TMEM117: variants seen among roughly 807,000 people sequenced by gnomAD.
TMEM117 encodes transmembrane protein 117.
TMEM117 carries 27 observed loss-of-function variants against 52.4 expected under a neutral mutation model. That is an observed-to-expected ratio of 0.51 (90% confidence interval 0.38 to 0.71). The LOEUF is 0.71. Among genes scored for constraint, TMEM117 ranks in the 30% least tolerant of loss-of-function variants. The probability of loss-of-function intolerance (pLI) is 0.00; values close to 1 mark genes in which losing one functional copy is unlikely to be tolerated. For synonymous variants in TMEM117, 215 were observed against 206.3 expected (o/e 1.04, Z -0.36); for missense variants, 556 against 630.5 (o/e 0.88, Z 1.26).
intron 6 of TMEM117, among the ~76,000 whole-genome samples, chr12:44,374,992 A>G (rs1414595223): frequency 6.6e-6 from 1 of 152,154 alleles, no homozygotes; most frequent in Non-Finnish European, 1.5e-5. Context: ...TTTTAGCAAA[A>G]TACTAAATTC....
chr12:44,069,493 G>A (rs1178919905), intron 3 of TMEM117, among the ~76,000 whole-genome samples: 1 of 152,124 alleles, frequency 6.6e-6, no homozygotes, highest in Non-Finnish European at 1.5e-5. Context: ...TGCCTGGTGT[G>A]TTGATTCAAG....
chr12:43,829,176 T>C, the TMEM117 span, among the ~76,000 whole-genome samples: 1 of 152,210 alleles, frequency 6.6e-6, no homozygotes, highest in African/African-American at 2.4e-5. Flanking sequence ...TCCTTCAATG[T>C]TTGCTTCAAA....
At chr12:44,033,795 T>G (rs1946670410) in intron 3 of TMEM117, among the ~76,000 whole-genome samples, 1 of 152,222 alleles carries the variant, frequency 6.6e-6, no homozygotes, top group Non-Finnish European at 1.5e-5. Flanking sequence ...AAAAATGCTT[T>G]TAATATAATG....
chr12:43,940,131 T>A (rs1945020223), intron 2 of TMEM117, among the ~76,000 whole-genome samples: 2 of 152,190 alleles, frequency 1.3e-5, no homozygotes, highest in Non-Finnish European at 2.9e-5. Flanking sequence ...TTGACCAACA[T>A]TCATGTAGTC....
At chr12:44,299,517 T>C (rs112834362) in intron 5 of TMEM117, 63 bp from the exon 6 acceptor site, 2 of 1,566,216 alleles carry the variant, frequency 1.3e-6, no homozygotes, top group African/African-American at 1.4e-5. Context: ...ACAGATAACA[T>C]GCACTCTCTA....
chr12:43,797,561 T>C, the TMEM117 span: 1 of 1,384,004 alleles, frequency 7.2e-7, no homozygotes, highest in Non-Finnish European at 9.7e-7. Flanking sequence ...TTCTGGATGG[T>C]TTGACTTTTT....
At chr12:43,903,384 T>A (rs1434851026) in intron 2 of TMEM117, among the ~76,000 whole-genome samples, 2 of 152,126 alleles carry the variant, frequency 1.3e-5, no homozygotes, top group East Asian at 3.8e-4. Flanking sequence ...GAATATAGAA[T>A]AAAGAAAAAT....
At chr12:43,896,079 T>A (rs1944196136) in intron 2 of TMEM117, among the ~76,000 whole-genome samples, 1 of 152,206 alleles carries the variant, frequency 6.6e-6, no homozygotes, top group Admixed American at 6.5e-5. Flanking sequence ...GGCAGCACCC[T>A]TAAAGACACA....
intron 6 of TMEM117, among the ~76,000 whole-genome samples, chr12:44,366,758 A>G (rs545738914): frequency 1.3e-5 from 2 of 152,174 alleles, no homozygotes; most frequent in Non-Finnish European, 2.9e-5. Context: ...GAAACCAGAA[A>G]GAAACCACAC....
chr12:44,388,626 A>G lies in TMEM117; in HGVS notation c.1499A>G (p.Glu500Gly). Residue 500 changes from glutamate to glycine, a missense_variant, in exon 8 of 8, where the codon GAA becomes GGA. Glu to Gly is a moderately conservative substitution (Grantham distance 98, BLOSUM62 -2). Coordinates refer to ENST00000266534, the MANE Select transcript of TMEM117 (RefSeq NM_032256.3). ...TTGAACGAATCTACTAGTGCAACAG[A>G]AGCTGATCAAGACCCAACGACTTCT... ...SQLNESTSAT[E>G]ADQDPTTSKS... 1 of 1,613,448 alleles carries G rather than the reference A, an allele frequency of 6.2e-7. No individual in the cohort carries two copies. Among genetic ancestry groups the G allele is most frequent in the East Asian group, 2.2e-5 (1 of 44,872 alleles).
chr12:44,069,489 G>A (rs1429981463), intron 3 of TMEM117, among the ~76,000 whole-genome samples: 1 of 152,128 alleles, frequency 6.6e-6, no homozygotes, highest in Admixed American at 6.5e-5. Flanking sequence ...AGTGTGCCTG[G>A]TGTGTTGATT....
At chr12:44,158,873 C>T (rs1305594900) in intron 4 of TMEM117, among the ~76,000 whole-genome samples, 1 of 152,172 alleles carries the variant, frequency 6.6e-6, no homozygotes, top group Admixed American at 6.5e-5. Flanking sequence ...CCATCAGTGT[C>T]TGCCCTGGTC....
At chr12:44,333,105 A>G (rs1459703411) in intron 6 of TMEM117, among the ~76,000 whole-genome samples, 1 of 151,972 alleles carries the variant, frequency 6.6e-6, no homozygotes, top group Non-Finnish European at 1.5e-5. Flanking sequence ...TGTGTTGTCA[A>G]AACCACCCAG....
chr12:44,082,227 T>G (rs149224985), intron 3 of TMEM117, among the ~76,000 whole-genome samples: 2 of 152,040 alleles, frequency 1.3e-5, no homozygotes, highest in Admixed American at 1.3e-4. Flanking sequence ...TGTAGAAATT[T>G]TCAGTATGAG....
intron 3 of TMEM117, among the ~76,000 whole-genome samples, chr12:44,114,068 G>A (rs558578105): frequency 9.8e-4 from 144 of 147,612 alleles, no homozygotes; most frequent in South Asian, 6.0e-3. Flanking sequence ...GCTTCGGCTC[G>A]CGCACGGTGC....
At chr12:44,079,840 A>C (rs1335445487) in intron 3 of TMEM117, among the ~76,000 whole-genome samples, 1 of 151,770 alleles carries the variant, frequency 6.6e-6, no homozygotes, top group African/African-American at 2.4e-5. Context: ...ACGTGGTGAA[A>C]CCTCATCTCT....
intron 3 of TMEM117, among the ~76,000 whole-genome samples, chr12:44,125,240 G>T (rs1274727223): frequency 6.6e-6 from 1 of 152,176 alleles, no homozygotes; most frequent in Non-Finnish European, 1.5e-5. Flanking sequence ...GAGTACCTGG[G>T]ACTACAGGCG....
chr12:44,213,303 A>C (rs1949671337), intron 5 of TMEM117, among the ~76,000 whole-genome samples: 1 of 152,182 alleles, frequency 6.6e-6, no homozygotes, highest in African/African-American at 2.4e-5. Flanking sequence ...AGGAGAACAA[A>C]AGATACATCA....
At chr12:43,845,915 C>T (rs983666012) in intron 2 of TMEM117, among the ~76,000 whole-genome samples, 7 of 152,090 alleles carry the variant, frequency 4.6e-5, no homozygotes, top group South Asian at 2.1e-4. Flanking sequence ...GTGATATATA[C>T]GTAATCTTAT....
Sources: allele counts gnomAD v4.1 joint callset (sites outside exome capture counted in the v4.1 genomes callset), GRCh38; gene constraint gnomAD v4.1.1; transcripts MANE v1.5; gene names NCBI Gene and HGNC (gene_info 2026-07-23, HGNC 2026-07-21).